The following LMO4 variants were observed in gnomAD, a reference collection of about 807,000 sequenced individuals.
LMO4 encodes LIM domain only 4.
Under a neutral mutation model 18.5 loss-of-function variants are expected in LMO4, and 3 were observed. That is an observed-to-expected ratio of 0.16 (90% confidence interval 0.07 to 0.42). The LOEUF is 0.42. LMO4 is among the 10% of genes least tolerant of loss of function. LMO4 has a pLI of 0.99. For missense variants in LMO4, 121 were observed against 219.9 expected, an observed-to-expected ratio of 0.55 and a Z score of 2.84; for synonymous variants, 100 against 88.1, an observed-to-expected ratio of 1.14 and a Z score of -0.76.
At chr1:87,334,396 C>G (rs1045946053) in intron 2 of LMO4, among the ~76,000 whole-genome samples, 16 of 152,156 alleles carry the variant, frequency 1.1e-4, no homozygotes, top group Admixed American at 9.2e-4. Context: ...CTTCAGTGTT[C>G]CTCTCTCAGC....
In LMO4 at chr1:87,335,871, G is replaced by GAAA. The variant is rs781402794; in HGVS notation, c.236+3632_236+3634dup. 6.7e-3 allele frequency among the ~76,000 whole-genome samples: 866 copies of GAAA among 129,874 alleles called. 20 individuals are homozygous for GAAA. The highest frequency in any genetic ancestry group is 0.023 in the African/African-American group (817 of 35,810). 85.2% of individuals were successfully genotyped at this position (129,874 alleles called of 152,430 possible). A position where few individuals can be genotyped will look rare whatever the true frequency, so the allele number is the denominator to read the frequency against. ...ACAGGAGCATGTGAACTATTAGCTAGAAAAAAAAAAAAAACAGGATCTCAA... is the reference window on the plus strand; with the variant it reads ...ACAGGAGCATGTGAACTATTAGCTAGAAAAAAAAAAAAAAAAACAGGATCTCAA... On this transcript the variant is annotated intron_variant, in intron 2 of 4. Transcript: ENST00000370544.
In LMO4 at chr1:87,332,304, A is replaced by G. The variant is rs1190594109; in HGVS notation, c.236+53A>G. ...TGGGGGGAAGAGCAATGGCAAGGCCAAAGGTTAACAGGGTTGTGAGGAAAG... is the reference window on the plus strand; with the variant it reads ...TGGGGGGAAGAGCAATGGCAAGGCCGAAGGTTAACAGGGTTGTGAGGAAAG... On this transcript the variant is annotated intron_variant, in intron 2 of 4. Transcript: ENST00000370544. The G allele has an allele frequency of 5.0e-6, 7 of 1,390,040 alleles. No individual in the cohort carries two copies. The African/African-American group carries it at 9.9e-5, about 20-fold the overall frequency. 86.1% of individuals were successfully genotyped at this position (1,390,040 alleles called of 1,614,324 possible). A position where few individuals can be genotyped will look rare whatever the true frequency, so the allele number is the denominator to read the frequency against.
In LMO4 at chr1:87,347,199, C is replaced by T. The variant is rs1212935422; in HGVS notation, c.*2403C>T. 2 of 152,194 alleles carry T rather than the reference C, an allele frequency of 1.3e-5. No homozygotes were observed. Among genetic ancestry groups the T allele is most frequent in the Admixed American group, 1.3e-4 (2 of 15,278 alleles). 9.4% of individuals were successfully genotyped at this position (152,194 alleles called of 1,614,324 possible). On this transcript the variant is annotated 3_prime_UTR_variant, in exon 5 of 5. Transcript: ENST00000370544. Reference sequence around the variant, plus strand: ...ATGTCACTCATGTTAGTATAATCCACATGCAAGTGATGAAGCCTTCTCTTT... The same window carrying T: ...ATGTCACTCATGTTAGTATAATCCATATGCAAGTGATGAAGCCTTCTCTTT...
chr1:87,336,080 G>A (rs1161431521), intron 2 of LMO4, among the ~76,000 whole-genome samples: 1 of 137,166 alleles, frequency 7.3e-6, no homozygotes, highest in Admixed American at 7.5e-5. Flanking sequence ...ATAGCTTCTG[G>A]TGCTTTTAAG....
At chr1:87,336,625 CT>C (rs959733963) in intron 2 of LMO4, among the ~76,000 whole-genome samples, 1 of 152,180 alleles carries the variant, frequency 6.6e-6, no homozygotes, top group African/African-American at 2.4e-5. Context: ...GGTGGGATTT[CT>C]TCCCATCTTT....
intron 2 of LMO4, among the ~76,000 whole-genome samples, 157 bp from the exon 3 acceptor site, chr1:87,339,379 A>G (rs1243004476): frequency 6.6e-6 from 1 of 152,228 alleles, no homozygotes; most frequent in Non-Finnish European, 1.5e-5. Flanking sequence ...GATTTTTCCC[A>G]GATTATGTAA....
intron 2 of LMO4, among the ~76,000 whole-genome samples, chr1:87,335,465 C>G (rs1187459669): frequency 6.6e-6 from 1 of 151,764 alleles, no homozygotes; most frequent in Non-Finnish European, 1.5e-5. Context: ...CACGAGGGGG[C>G]GAGCGCAGGG....
intron 4 of LMO4, among the ~76,000 whole-genome samples, chr1:87,342,171 G>T (rs774295759): frequency 1.3e-5 from 2 of 152,158 alleles, no homozygotes; most frequent in Non-Finnish European, 2.9e-5. Flanking sequence ...AGCATGCATG[G>T]TGAGAATGAA....
intron 4 of LMO4, among the ~76,000 whole-genome samples, chr1:87,343,286 T>C (rs1396875022): frequency 6.6e-6 from 1 of 152,190 alleles, no homozygotes; most frequent in Non-Finnish European, 1.5e-5. Flanking sequence ...AGCTTTTAAA[T>C]CATACAGTGA....
In LMO4 at chr1:87,339,641, T is replaced by A; in HGVS notation, c.333+9T>A. On this transcript the variant is annotated intron_variant, in intron 3 of 4. Transcript: ENST00000370544. ...ATGTGTATCATCTTAAGGTAGTATT[T>A]GCATCTCTCTTTTTTTTTTAAAAAA... 6.4e-7 allele frequency: 1 copy of A among 1,562,078 alleles called. No homozygotes were observed. Among genetic ancestry groups the A allele is most frequent in the South Asian group, 1.1e-5 (1 of 87,522 alleles).
In LMO4 at chr1:87,346,328, G is replaced by A. The variant is rs995065042; in HGVS notation, c.*1532G>A. 1 of 152,246 alleles carries A rather than the reference G, an allele frequency of 6.6e-6. No homozygotes were observed. The highest frequency in any genetic ancestry group is 2.4e-5 in the African/African-American group (1 of 41,462). 9.4% of individuals were successfully genotyped at this position (152,246 alleles called of 1,614,324 possible). ...CGCAGAGCTGCCCTCCGGAAAGCATGCAGTATAACAGCTAGTGCTGGAAGG... is the reference window on the plus strand; with the variant it reads ...CGCAGAGCTGCCCTCCGGAAAGCATACAGTATAACAGCTAGTGCTGGAAGG... On this transcript the variant is annotated 3_prime_UTR_variant, in exon 5 of 5. Coordinates refer to ENST00000370544, the MANE Select transcript of LMO4 (RefSeq NM_006769.4).
intron 2 of LMO4, among the ~76,000 whole-genome samples, chr1:87,332,789 AT>A (rs1344199983): frequency 8.5e-5 from 13 of 152,246 alleles, no homozygotes; most frequent in African/African-American, 3.1e-4. Context: ...AATGCTAATT[AT>A]CCATCAGTTT....
Position 87,347,694 on chromosome 1 carries a change from T to A in LMO4, c.*2898T>A, listed in dbSNP as rs908420247. 2 of 152,218 alleles carry A rather than the reference T, an allele frequency of 1.3e-5. No homozygotes were observed. The highest frequency in any genetic ancestry group is 2.9e-5 in the Non-Finnish European group (2 of 68,036). 9.4% of individuals were successfully genotyped at this position (152,218 alleles called of 1,614,324 possible). Reference sequence around the variant, plus strand: ...TATGTTTATGGTACATATAAATGTCTCAATCATGCAAATTGTCACTCTTGT... The same window carrying A: ...TATGTTTATGGTACATATAAATGTCACAATCATGCAAATTGTCACTCTTGT... On this transcript the variant is annotated 3_prime_UTR_variant, in exon 5 of 5. Coordinates refer to ENST00000370544, the MANE Select transcript of LMO4 (RefSeq NM_006769.4).
intron 2 of LMO4, among the ~76,000 whole-genome samples, chr1:87,332,782 GC>G (rs1650193705): frequency 6.6e-6 from 1 of 152,164 alleles, no homozygotes; most frequent in African/African-American, 2.4e-5. Flanking sequence ...TGAGAAAAAT[GC>G]TAATTATCCA....
At chr1:87,334,667 G>C (rs376365443) in intron 2 of LMO4, among the ~76,000 whole-genome samples, 3 of 152,234 alleles carry the variant, frequency 2.0e-5, no homozygotes, top group African/African-American at 4.8e-5. Context: ...CCAAGGTCTT[G>C]CTAAAAAGCT....
At chr1:87,344,210 G>A (rs747018627) in intron 4 of LMO4, among the ~76,000 whole-genome samples, 12 of 152,110 alleles carry the variant, frequency 7.9e-5, no homozygotes, top group Non-Finnish European at 1.6e-4. Context: ...TGGGGATATC[G>A]GAATAATAAT....
rs890036425 is a variant in LMO4 at position 87,345,181 on chromosome 1, T to G, written c.*385T>G. 2 of 196,478 alleles carry G rather than the reference T, an allele frequency of 1.0e-5. No individual in the cohort carries two copies. Among genetic ancestry groups the G allele is most frequent in the Non-Finnish European group, 2.1e-5 (2 of 97,422 alleles). 12.2% of individuals were successfully genotyped at this position (196,478 alleles called of 1,614,324 possible). A position where few individuals can be genotyped will look rare whatever the true frequency, so the allele number is the denominator to read the frequency against. On this transcript the variant is annotated 3_prime_UTR_variant, in exon 5 of 5. Transcript: ENST00000370544. ...GGCACTGGCCAGAGTTTGTACCCTGTGTTTTACCTTAACAACATTCTATTT... is the reference window on the plus strand; with the variant it reads ...GGCACTGGCCAGAGTTTGTACCCTGGGTTTTACCTTAACAACATTCTATTT...
At chr1:87,332,770 C>T (rs1339084142) in intron 2 of LMO4, among the ~76,000 whole-genome samples, 1 of 152,120 alleles carries the variant, frequency 6.6e-6, no homozygotes, top group South Asian at 2.1e-4. Flanking sequence ...CTTTGTGCTC[C>T]TTGAGAAAAA....
rs1650653590 is a variant in LMO4 at position 87,346,984 on chromosome 1, AT to A, written c.*2189del. 6.6e-6 allele frequency: 1 copy of A among 152,188 alleles called. No homozygotes were observed. The allele number at this position is 152,188 out of a possible 1,614,324, so 9.4% of individuals were successfully genotyped here. A position where few individuals can be genotyped will look rare whatever the true frequency, so the allele number is the denominator to read the frequency against. On this transcript the variant is annotated 3_prime_UTR_variant, in exon 5 of 5. Transcript: ENST00000370544. ...TGGCATAAGCACTTATGTCCCTGATATGTACAAATTCAAAGGAGGTGGTTAA... is the reference window on the plus strand; with the variant it reads ...TGGCATAAGCACTTATGTCCCTGATAGTACAAATTCAAAGGAGGTGGTTAA...
Sources: allele counts gnomAD v4.1 joint callset (sites outside exome capture counted in the v4.1 genomes callset), GRCh38; gene constraint gnomAD v4.1.1; transcripts MANE v1.5; gene names NCBI Gene and HGNC (gene_info 2026-07-23, HGNC 2026-07-21).